The following CPT1A variants were observed in gnomAD, a reference collection of about 807,000 sequenced individuals.
CPT1A encodes carnitine palmitoyltransferase 1A, also known as carnitine O-palmitoyltransferase 1, liver isoform.
In CPT1A, 64 loss-of-function variants were observed where a neutral mutation model predicts 100.8. That is an observed-to-expected ratio of 0.63 (90% CI 0.52 to 0.78). CPT1A has a LOEUF of 0.78. Among genes scored for constraint, CPT1A ranks in the 30% least tolerant of loss-of-function variants. CPT1A has a pLI of 0.00. For synonymous variants in CPT1A, 363 were observed against 396.0 expected (o/e 0.92, Z 0.99); for missense variants, 802 against 1,034.1 (o/e 0.78, Z 3.08).
chr11:68,823,892 A>G (rs184660194), intron 1 of CPT1A, among the ~76,000 whole-genome samples: 56 of 152,244 alleles, frequency 3.7e-4, no homozygotes, highest in Non-Finnish European at 6.3e-4. Flanking sequence ...ACAGAAAACC[A>G]AATACCGCAT....
chr11:68,827,771 CA>C (rs1856767910), intron 1 of CPT1A, among the ~76,000 whole-genome samples: 1 of 152,142 alleles, frequency 6.6e-6, no homozygotes, highest in Non-Finnish European at 1.5e-5. Context: ...CAAGTGCATA[CA>C]GTGCCACCAT....
At chr11:68,780,878 A>G in intron 11 of CPT1A, 133 bp from the exon 12 acceptor site, 1 of 721,284 alleles carries the variant, frequency 1.4e-6, no homozygotes, top group Non-Finnish European at 2.6e-6. Flanking sequence ...GCAGACACTC[A>G]GTCTCTGTGG....
chr11:68,817,501 G>A (rs1363395451), intron 1 of CPT1A, among the ~76,000 whole-genome samples: 2 of 152,134 alleles, frequency 1.3e-5, no homozygotes, highest in Non-Finnish European at 2.9e-5. Flanking sequence ...AACAAGCAAC[G>A]CAGGAGCAGT....
At chr11:68,764,723 C>T (rs958716536) in intron 14 of CPT1A, among the ~76,000 whole-genome samples, 1 of 152,186 alleles carries the variant, frequency 6.6e-6, no homozygotes, top group South Asian at 2.1e-4. Flanking sequence ...GGACCAGGGC[C>T]CCTGAAAGGC....
chr11:68,840,510 T>A (rs116703340), intron 1 of CPT1A, among the ~76,000 whole-genome samples: 1 of 152,246 alleles, frequency 6.6e-6, no homozygotes, highest in African/African-American at 2.4e-5. Context: ...ACCAGCTTCC[T>A]ACTAAAATCT....
At chr11:68,817,517 G>C (rs746705267) in intron 1 of CPT1A, among the ~76,000 whole-genome samples, 3 of 152,144 alleles carry the variant, frequency 2.0e-5, no homozygotes, top group Admixed American at 6.6e-5. Flanking sequence ...GCAGTGCTCT[G>C]GTGCAGGAAG....
At chr11:68,817,291 G>A (rs1051734736) in intron 1 of CPT1A, among the ~76,000 whole-genome samples, 17 of 152,092 alleles carry the variant, frequency 1.1e-4, no homozygotes, top group Non-Finnish European at 2.4e-4. Context: ...AAGATCCCCT[G>A]TTACAGAAAT....
At chr11:68,828,132 G>A (rs925061806) in intron 1 of CPT1A, among the ~76,000 whole-genome samples, 1 of 152,162 alleles carries the variant, frequency 6.6e-6, no homozygotes, top group Non-Finnish European at 1.5e-5. Flanking sequence ...CTCTACCAAA[G>A]TTCCAGCTCC....
chr11:68,839,472 G>T (rs1483837342), intron 1 of CPT1A: 1 of 978,660 alleles, frequency 1.0e-6, no homozygotes, highest in African/African-American at 1.8e-5. Context: ...TCCACCCGCC[G>T]TGCCCACAGA....
rs1193364315 is a variant in CPT1A at position 68,760,218 on chromosome 11, C to T, written c.2142+7G>A. 2 of 1,600,848 alleles carry T rather than the reference C, an allele frequency of 1.2e-6. No individual in the cohort carries two copies. Among genetic ancestry groups the T allele is most frequent in the East Asian group, 2.2e-5 (1 of 44,666 alleles). ...CACTGCGCCTCGCCCAGCCCCGCCGCACTCACCGGTCCAAAGCCCCCTCCG... is the reference window on the plus strand; with the variant it reads ...CACTGCGCCTCGCCCAGCCCCGCCGTACTCACCGGTCCAAAGCCCCCTCCG... On this transcript the variant is annotated splice_region_variant and intron_variant, in intron 17 of 18. Coordinates refer to ENST00000265641, the MANE Select transcript of CPT1A (RefSeq NM_001876.4).
intron 3 of CPT1A, among the ~76,000 whole-genome samples, chr11:68,811,291 C>T (rs148948549): frequency 2.6e-4 from 39 of 152,218 alleles, no homozygotes; most frequent in African/African-American, 8.9e-4. Context: ...TGTGAACCAC[C>T]GTGTCCAAAT....
intron 18 of CPT1A, among the ~76,000 whole-genome samples, chr11:68,759,187 A>G (rs1438760536): frequency 6.6e-6 from 1 of 151,862 alleles, no homozygotes; most frequent in South Asian, 2.1e-4. Flanking sequence ...TGAGGTCAGG[A>G]GTTTGAGACC....
downstream of CPT1A, chr11:68,754,708 C>T: frequency 1.4e-6 from 1 of 738,126 alleles, no homozygotes; most frequent in Non-Finnish European, 2.6e-6. Flanking sequence ...AAATGCACAG[C>T]AAGTGAAAAT....
chr11:68,812,613 C>A, intron 2 of CPT1A, 37 bp from the exon 3 acceptor site: 1 of 1,612,798 alleles, frequency 6.2e-7, no homozygotes, highest in Non-Finnish European at 8.5e-7. Flanking sequence ...CGGTGTCCTC[C>A]CACAACCCAC....
At chr11:68,763,102 G>T (rs1250993267) in intron 14 of CPT1A, among the ~76,000 whole-genome samples, 1 of 152,152 alleles carries the variant, frequency 6.6e-6, no homozygotes, top group Non-Finnish European at 1.5e-5. Flanking sequence ...ACCCGCCTTG[G>T]CTTCCCAAAG....
Position 68,759,569 on chromosome 11 carries a change from C to T in CPT1A, c.2235G>A (p.Thr745=), listed in dbSNP as rs202208941. ...AAAAGGAACTTCTTTTCATACATACCGTCTCAGGGCAAGAGAACTTGGAAG... is the reference window on the plus strand; with the variant it reads ...AAAAGGAACTTCTTTTCATACATACTGTCTCAGGGCAAGAGAACTTGGAAG... ...HISSKFSCPE[T]DSHRFGRHLK... The change falls in exon 18 of 19, where the codon ACG becomes ACA. Residue 745 remains threonine, a splice_region_variant and synonymous_variant. Coordinates refer to ENST00000265641, the MANE Select transcript of CPT1A (RefSeq NM_001876.4). 146 of 1,599,040 alleles carry T rather than the reference C, an allele frequency of 9.1e-5. No homozygotes were observed. Among genetic ancestry groups the T allele is most frequent in the Middle Eastern group, 1.7e-4 (1 of 6,046 alleles).
rs149312246 is a variant in CPT1A at position 68,810,004 on chromosome 11, C to T, written c.282-2366G>A. On this transcript the variant is annotated intron_variant, in intron 3 of 18. Coordinates refer to ENST00000265641, the MANE Select transcript of CPT1A (RefSeq NM_001876.4). ...ACCAGCCTGGCCAACACGGCGAAAC[C>T]CCATCTCTATCAAAAATACAAAAAT... is the stretch of plus-strand genomic sequence containing the variant. Among the ~76,000 whole-genome samples the T allele has an allele frequency of 9.5e-3, 1,442 of 152,236 alleles. 22 individuals carry two copies. Among genetic ancestry groups the T allele is most frequent in the African/African-American group, 0.033 (1,353 of 41,518 alleles).
chr11:68,773,768 G>T (rs549286691), intron 13 of CPT1A: 53 of 330,130 alleles, frequency 1.6e-4, no homozygotes, highest in African/African-American at 1.1e-3. Flanking sequence ...CCGGTGCCAG[G>T]GAAAGGCAGT....
chr11:68,810,055 G>A (rs1203587329), intron 3 of CPT1A, among the ~76,000 whole-genome samples: 1 of 152,198 alleles, frequency 6.6e-6, no homozygotes, highest in Non-Finnish European at 1.5e-5. Context: ...GCATGTGCCT[G>A]CAGTCCCAGG....
Sources: allele counts gnomAD v4.1 joint callset (sites outside exome capture counted in the v4.1 genomes callset), GRCh38; gene constraint gnomAD v4.1.1; transcripts MANE v1.5; gene names NCBI Gene and HGNC (gene_info 2026-07-23, HGNC 2026-07-21).